The following KCNIP4 variants were observed in gnomAD, a reference collection of about 807,000 sequenced individuals.
The protein encoded by KCNIP4 is potassium voltage-gated channel interacting protein 4.
Under a neutral mutation model 34.0 loss-of-function variants are expected in KCNIP4, and 12 were observed. That is an observed-to-expected ratio of 0.35 (90% CI 0.23 to 0.57). The LOEUF (loss-of-function observed/expected upper bound fraction) is 0.57. Ranked by LOEUF, KCNIP4 falls within the 20% of genes least tolerant of loss-of-function variation. The pLI is 0.83. For synonymous variants in KCNIP4, 124 were observed against 102.2 expected (o/e 1.21, Z -1.29); for missense variants, 238 against 311.7 (o/e 0.76, Z 1.78).
intron 5 of KCNIP4, among the ~76,000 whole-genome samples, chr4:20,744,869 T>G (rs1752074407): frequency 6.6e-6 from 1 of 152,204 alleles, no homozygotes; most frequent in African/African-American, 2.4e-5. Flanking sequence ...AATTTCCATT[T>G]GGTGCTCCAT....
chr4:21,889,522 A>G (rs556650803), intron 1 of KCNIP4, among the ~76,000 whole-genome samples: 7 of 152,084 alleles, frequency 4.6e-5, no homozygotes, highest in Non-Finnish European at 1.0e-4. Flanking sequence ...CAACCATGCA[A>G]GGCAGGAGCT....
intron 1 of KCNIP4, among the ~76,000 whole-genome samples, chr4:21,771,996 G>C (rs1249867248): frequency 1.3e-5 from 2 of 152,060 alleles, no homozygotes; most frequent in African/African-American, 4.8e-5. Context: ...TCCTTGTCTT[G>C]TGCCCACTTT....
rs201014195 is a variant in KCNIP4 at position 21,234,429 on chromosome 4, C to CAT, written c.62-351722_62-351721dup. The stretch of plus-strand genomic sequence containing the variant: ...TATATAACATATACTATATATATTA[C>CAT]ATATAACGTATATAATATATATTAC... On this transcript the variant is annotated intron_variant, in intron 1 of 8. Coordinates refer to ENST00000382152, the MANE Select transcript of KCNIP4 (RefSeq NM_025221.6). Among the ~76,000 whole-genome samples, 28 of 96,668 alleles carry CAT rather than the reference C, an allele frequency of 2.9e-4. 4 individuals are homozygous for CAT. Among genetic ancestry groups the CAT allele is most frequent in the South Asian group, 3.5e-4 (1 of 2,886 alleles). The allele number at this position is 96,668 out of a possible 152,430, so 63.4% of individuals were successfully genotyped here. A position where few individuals can be genotyped will look rare whatever the true frequency, so the allele number is the denominator to read the frequency against.
intron 1 of KCNIP4, among the ~76,000 whole-genome samples, chr4:21,043,142 G>A (rs1742108640): frequency 6.6e-6 from 1 of 152,112 alleles, no homozygotes; most frequent in Non-Finnish European, 1.5e-5. Context: ...GCATCAGGAG[G>A]AAACCAGGTT....
intron 1 of KCNIP4, among the ~76,000 whole-genome samples, chr4:21,068,900 T>C (rs1199079907): frequency 6.6e-6 from 1 of 152,196 alleles, no homozygotes; most frequent in Admixed American, 6.5e-5. Flanking sequence ...GACCACAGTA[T>C]AGATGTGTTA....
intron 1 of KCNIP4, among the ~76,000 whole-genome samples, chr4:21,122,448 G>T (rs1750242258): frequency 1.5e-5 from 2 of 135,246 alleles, no homozygotes; most frequent in South Asian, 4.6e-4. Context: ...GTTAATTTTT[G>T]CAGATCAAGT....
At chr4:21,678,305 A>ATTTTTTTTTTTTTTTTTTTTT (rs59561334) in intron 1 of KCNIP4, among the ~76,000 whole-genome samples, 1 of 117,600 alleles carries the variant, frequency 8.5e-6, no homozygotes, top group African/African-American at 3.2e-5. Context: ...TCTTCTTTTG[A>ATTTTTTTTTTTTTTTTTTTTT]TTTTTTTTTT....
intron 1 of KCNIP4, among the ~76,000 whole-genome samples, chr4:21,776,100 GGGT>G: frequency 6.6e-6 from 1 of 152,320 alleles, no homozygotes; most frequent in Middle Eastern, 3.4e-3. Flanking sequence ...TCCAATCCAT[GGGT>G]TGCACAGTTC....
intron 1 of KCNIP4, among the ~76,000 whole-genome samples, chr4:21,195,844 C>CTGAA (rs1399214149): frequency 6.6e-6 from 1 of 152,114 alleles, no homozygotes; most frequent in Non-Finnish European, 1.5e-5. Context: ...CTCCTCTTTG[C>CTGAA]TGAACCCTGA....
Position 21,434,055 on chromosome 4 carries a change from G to T in KCNIP4, c.61+514516C>A, listed in dbSNP as rs1397841062. 3.9e-5 allele frequency among the ~76,000 whole-genome samples: 6 copies of T among 152,076 alleles called. No individual in the cohort carries two copies. In the East Asian group the frequency reaches 1.2e-3, roughly 29 times the overall value. ...CTACTATTTTTATTCCAGGCTCTCA[G>T]CTCAGAAGTAACCTGCCCAAGATAT... On this transcript the variant is annotated intron_variant, in intron 1 of 8. Coordinates refer to ENST00000382152, the MANE Select transcript of KCNIP4 (RefSeq NM_025221.6).
chr4:20,961,962 C>T (rs1457154843), intron 1 of KCNIP4, among the ~76,000 whole-genome samples: 2 of 152,138 alleles, frequency 1.3e-5, no homozygotes, highest in Non-Finnish European at 2.9e-5. Flanking sequence ...GCCAAAGACA[C>T]CTTTTCTCCC....
intron 3 of KCNIP4, among the ~76,000 whole-genome samples, chr4:20,771,889 C>T (rs1253300980): frequency 6.6e-6 from 1 of 152,106 alleles, no homozygotes; most frequent in Non-Finnish European, 1.5e-5. Context: ...CCAGGATGGT[C>T]TCGATCTCCT....
chr4:21,497,278 A>T (rs939037127), intron 1 of KCNIP4, among the ~76,000 whole-genome samples: 1 of 152,188 alleles, frequency 6.6e-6, no homozygotes, highest in African/African-American at 2.4e-5. Flanking sequence ...TCTATATGAT[A>T]GTGCTTGGCA....
intron 1 of KCNIP4, among the ~76,000 whole-genome samples, chr4:21,527,417 G>T (rs1454674541): frequency 6.6e-6 from 1 of 152,154 alleles, no homozygotes; most frequent in Non-Finnish European, 1.5e-5. Context: ...ACTCATGGAA[G>T]ATGTTGCAAC....
chr4:21,187,002 A>G (rs995813776), intron 1 of KCNIP4, among the ~76,000 whole-genome samples: 3 of 152,164 alleles, frequency 2.0e-5, no homozygotes, highest in African/African-American at 7.2e-5. Flanking sequence ...CAAATATCCT[A>G]TTTTAGGGTA....
chr4:21,612,925 G>A (rs542408612), intron 1 of KCNIP4, among the ~76,000 whole-genome samples: 2 of 152,274 alleles, frequency 1.3e-5, no homozygotes, highest in East Asian at 3.9e-4. Context: ...CCTTTTAATA[G>A]AAGTAATATC....
At chr4:21,473,864 C>T (rs1225671600) in intron 1 of KCNIP4, among the ~76,000 whole-genome samples, 1 of 151,978 alleles carries the variant, frequency 6.6e-6, no homozygotes, top group Non-Finnish European at 1.5e-5. Flanking sequence ...CAGACAGGTG[C>T]CACTATGCCT....
At chr4:21,504,719 C>T (rs1015985530) in intron 1 of KCNIP4, among the ~76,000 whole-genome samples, 1 of 151,966 alleles carries the variant, frequency 6.6e-6, no homozygotes, top group African/African-American at 2.4e-5. Flanking sequence ...GGGTTTCACA[C>T]GGGATACTAT....
intron 1 of KCNIP4, among the ~76,000 whole-genome samples, chr4:21,271,840 C>T (rs1000695630): frequency 5.9e-5 from 9 of 152,054 alleles, no homozygotes; most frequent in South Asian, 4.2e-4. Flanking sequence ...AGTGATTTAT[C>T]GAGAATGGGA....
Sources: gnomAD v4.1 joint callset for allele counts (sites outside exome capture counted in the v4.1 genomes callset) on GRCh38, gnomAD v4.1.1 for gene constraint, MANE v1.5 for transcripts, NCBI Gene and HGNC (gene_info 2026-07-23, HGNC 2026-07-21) for gene names.